The following PAXIP1 variants were observed in gnomAD, a reference collection of about 807,000 sequenced individuals.
PAXIP1 encodes PAX interacting protein 1, also known as PAX-interacting protein 1.
PAXIP1 carries 19 observed loss-of-function variants against 140.6 expected under a neutral mutation model. The ratio of observed to expected loss-of-function variants is 0.14; its 90% confidence interval spans 0.09 to 0.20. The LOEUF is 0.20. Among genes scored for constraint, PAXIP1 ranks in the 10% least tolerant of loss-of-function variants. The pLI, the probability that PAXIP1 is intolerant of heterozygous loss-of-function variation, is 1.00. For missense variants in PAXIP1, 920 were observed against 1,208.6 expected (o/e 0.76, Z 3.54); for synonymous variants, 442 against 444.6 (o/e 0.99, Z 0.07).
rs1808862079 is a variant in PAXIP1, at chr7:154,963,481, T to C, written c.1989+190A>G. ...CTGGGAACATCCCTTTCTTTCTCCA[T>C]TGCTCAAAGACAATGGTGCCCACAA... On this transcript the variant is annotated intron_variant, in intron 9 of 20. Transcript: ENST00000404141. This position sits in a 1 kb window ranked among gnomAD's most constrained non-coding sequence, Gnocchi z 4.1. 6.6e-6 allele frequency among the ~76,000 whole-genome samples: 1 copy of C among 152,138 alleles called. No homozygotes were observed. Among genetic ancestry groups the C allele is most frequent in the African/African-American group, 2.4e-5 (1 of 41,440 alleles).
At chr7:154,967,060 T>C (rs1263757116) in intron 8 of PAXIP1, among the ~76,000 whole-genome samples, 3 of 152,178 alleles carry the variant, frequency 2.0e-5, no homozygotes, top group Non-Finnish European at 4.4e-5. Context: ...CACAACACGA[T>C]GGGTGAAGGT....
intron 13 of PAXIP1, among the ~76,000 whole-genome samples, chr7:154,957,960 C>G (rs530710576): frequency 3.5e-5 from 4 of 115,846 alleles, no homozygotes; most frequent in African/African-American, 9.9e-5. Context: ...GGCGACAGAG[C>G]GAGACTCCGT....
chr7:154,998,026 T>C (rs370656924), intron 2 of PAXIP1, among the ~76,000 whole-genome samples: 20 of 152,362 alleles, frequency 1.3e-4, no homozygotes, highest in African/African-American at 4.8e-4. Context: ...CAGGTTTCCC[T>C]GGCTCAGAAA....
intron 20 of PAXIP1, chr7:154,945,032 G>GGCTGTA (rs1563356649): frequency 1.3e-5 from 2 of 149,888 alleles, no homozygotes; most frequent in Non-Finnish European, 2.9e-5. Context: ...TTGTTGCCCA[G>GGCTGTA]GCTGTAGTGC....
rs763239065 is a variant in PAXIP1, at chr7:154,960,924, G to C, written c.2403C>G (p.Ala801=). The C allele has an allele frequency of 6.3e-7, 1 of 1,598,706 alleles. No homozygotes were observed. Among genetic ancestry groups the C allele is most frequent in the East Asian group, 2.2e-5 (1 of 44,532 alleles). ...GATTTAAAACTAAATGCTGGGTAGG[G>C]GCAAATGGATCCTGCAGACTGAATG... ...YTAFSLQDPF[A]PTQHLVLNLL... is the part of the protein sequence containing the mutation. Residue 801 remains alanine, a synonymous_variant, in exon 12 of 21, where the codon GCC becomes GCG. Coordinates refer to ENST00000404141, the MANE Select transcript of PAXIP1 (RefSeq NM_007349.4).
At chr7:154,991,178 G>A (rs1810312159) in intron 3 of PAXIP1, 109 bp from the exon 4 acceptor site, 2 of 580,022 alleles carry the variant, frequency 3.4e-6, no homozygotes, top group Non-Finnish European at 6.0e-6. Context: ...TTAAGAAAGA[G>A]ACAGACTTAA....
intron 20 of PAXIP1, chr7:154,945,929 C>G: frequency 1.0e-6 from 1 of 985,360 alleles, no homozygotes; most frequent in Non-Finnish European, 1.2e-6. Flanking sequence ...AGTATTCATT[C>G]TGCCGCTTCC....
chr7:154,968,396 T>C lies in PAXIP1; in HGVS notation c.1798+7A>G. Reference sequence around the variant, plus strand: ...AGGAGAGAGGAAAAATAATCTCCATTACTAACTCTCCACTGCTGGATCATG... The same window carrying C: ...AGGAGAGAGGAAAAATAATCTCCATCACTAACTCTCCACTGCTGGATCATG... On this transcript the variant is annotated splice_region_variant and intron_variant, in intron 7 of 20. Transcript: ENST00000404141. 2 of 1,534,578 alleles carry C rather than the reference T, an allele frequency of 1.3e-6. No homozygotes were observed. The highest frequency in any genetic ancestry group is 1.8e-6 in the Non-Finnish European group (2 of 1,136,162).
chr7:154,993,539 A>G (rs961217325), intron 3 of PAXIP1, among the ~76,000 whole-genome samples, 187 bp downstream of exon 3: 1 of 152,168 alleles, frequency 6.6e-6, no homozygotes, highest in Non-Finnish European at 1.5e-5. Flanking sequence ...CCCTTTTAAC[A>G]TGAGTAATAA....
At chr7:154,960,477 A>G (rs1282366902) in intron 12 of PAXIP1, among the ~76,000 whole-genome samples, 1 of 152,204 alleles carries the variant, frequency 6.6e-6, no homozygotes, top group East Asian at 1.9e-4. Flanking sequence ...AAGACTATCA[A>G]AAAGCTTTCA....
chr7:154,988,512 A>G lies in PAXIP1; in HGVS notation c.324+2494T>C, dbSNP rs149806047. Among the ~76,000 whole-genome samples the G allele has an allele frequency of 2.8e-4, 42 of 152,362 alleles. 1 individual carries two copies. In the East Asian group the frequency reaches 7.3e-3, roughly 27 times the overall value. On this transcript the variant is annotated intron_variant, in intron 4 of 20. Transcript: ENST00000404141. Reference sequence around the variant, plus strand: ...ACTATTAGTTCTTTGGAAGACTAATAATATTCTTTTGTGCTAAACTCATAG... The same window carrying G: ...ACTATTAGTTCTTTGGAAGACTAATGATATTCTTTTGTGCTAAACTCATAG...
chr7:154,967,731 A>C (rs910909445), intron 8 of PAXIP1, 85 bp downstream of exon 8: 1 of 879,564 alleles, frequency 1.1e-6, no homozygotes, highest in Admixed American at 2.2e-5. Flanking sequence ...CAGCTCAGTG[A>C]ATGCAGCTAA....
chr7:154,945,320 C>G (rs1807908113), intron 20 of PAXIP1: 1 of 175,432 alleles, frequency 5.7e-6, no homozygotes, highest in Non-Finnish European at 1.1e-5. Flanking sequence ...TCAGTGATAT[C>G]AAGGTCTTCT....
intron 2 of PAXIP1, among the ~76,000 whole-genome samples, chr7:154,997,161 G>A (rs1810671436): frequency 6.6e-6 from 1 of 152,206 alleles, no homozygotes; most frequent in African/African-American, 2.4e-5. Flanking sequence ...CTGGGTACCA[G>A]GGAGGTCACC....
chr7:154,955,094 C>A (rs983003721), intron 15 of PAXIP1, among the ~76,000 whole-genome samples: 7 of 152,180 alleles, frequency 4.6e-5, no homozygotes, highest in Non-Finnish European at 1.0e-4. Context: ...ATATTTAAAA[C>A]CTGTGCCCAT....
intron 5 of PAXIP1, among the ~76,000 whole-genome samples, chr7:154,977,261 T>C (rs1809623513): frequency 6.6e-6 from 1 of 152,150 alleles, no homozygotes; most frequent in African/African-American, 2.4e-5. Flanking sequence ...AATATGACAA[T>C]AAAGTAACCT....
chr7:154,991,916 C>A (rs952077758), intron 3 of PAXIP1, among the ~76,000 whole-genome samples: 4 of 152,124 alleles, frequency 2.6e-5, no homozygotes, highest in Non-Finnish European at 5.9e-5. Context: ...AAATTCTATT[C>A]CAAGTTTGAA....
intron 8 of PAXIP1, chr7:154,964,348 C>T (rs1563369512): frequency 6.6e-6 from 1 of 152,362 alleles, no homozygotes; most frequent in East Asian, 1.9e-4. Flanking sequence ...CCTGGACATT[C>T]TTCAGAACTC....
chr7:154,981,894 G>A (rs549097068), intron 5 of PAXIP1, among the ~76,000 whole-genome samples: 21 of 152,070 alleles, frequency 1.4e-4, no homozygotes, highest in African/African-American at 5.1e-4. Context: ...GAATTACTAA[G>A]GATTTCTCAT....
Sources: allele counts gnomAD v4.1 joint callset (sites outside exome capture counted in the v4.1 genomes callset), GRCh38; gene constraint gnomAD v4.1.1; non-coding constraint Gnocchi (gnomAD v3.1); transcripts MANE v1.5; gene names NCBI Gene and HGNC (gene_info 2026-07-23, HGNC 2026-07-21).